The following ARHGAP22 variants were observed in gnomAD, a reference collection of about 807,000 sequenced individuals.
The protein encoded by ARHGAP22 is Rho GTPase activating protein 22.
Under a neutral mutation model 59.1 loss-of-function variants are expected in ARHGAP22, and 48 were observed. The ratio of observed to expected loss-of-function variants is 0.81; its 90% CI spans 0.64 to 1.03. ARHGAP22 has a LOEUF of 1.03. Among genes scored for constraint, ARHGAP22 ranks in the 50% least tolerant of loss-of-function variants. ARHGAP22 has a pLI of 0.00. For missense variants in ARHGAP22, 1,015 were observed against 958.7 expected, an observed-to-expected ratio of 1.06 and a Z score of -0.78; for synonymous variants, 445 against 416.4, an observed-to-expected ratio of 1.07 and a Z score of -0.84.
At chr10:48,606,512 C>A (rs2060680368), upstream of ARHGAP22, among the ~76,000 whole-genome samples, 1 of 152,206 alleles carries the variant, frequency 6.6e-6, no homozygotes. Flanking sequence ...CAGGTTCTTT[C>A]ATGGTAGCAT....
chr10:48,541,777 C>T (rs1394440427), intron 3 of ARHGAP22, among the ~76,000 whole-genome samples: 1 of 152,234 alleles, frequency 6.6e-6, no homozygotes, highest in Non-Finnish European at 1.5e-5. Flanking sequence ...CAGTTGGCAT[C>T]ATTCAAGAGA....
At chr10:48,486,058 T>C (rs1589685850) in intron 3 of ARHGAP22, among the ~76,000 whole-genome samples, 1 of 152,218 alleles carries the variant, frequency 6.6e-6, no homozygotes, top group East Asian at 1.9e-4. Context: ...TTTTTGTTTT[T>C]AATGACTTCA....
the ARHGAP22 span, chr10:48,435,050 T>TGGGGGGGG: frequency 6.8e-6 from 2 of 293,700 alleles, no homozygotes; most frequent in Admixed American, 4.3e-5. Flanking sequence ...CATCGGGGGG[T>TGGGGGGGG]GGGAGGGATG....
intron 2 of ARHGAP22, among the ~76,000 whole-genome samples, chr10:48,566,128 C>T (rs570098846): frequency 1.3e-5 from 2 of 152,226 alleles, no homozygotes; most frequent in Non-Finnish European, 2.9e-5. Context: ...GTCTAGGAGA[C>T]TGCCTGAAGA....
intron 3 of ARHGAP22, among the ~76,000 whole-genome samples, chr10:48,543,396 T>G (rs1043261978): frequency 6.6e-6 from 1 of 152,130 alleles, no homozygotes; most frequent in Non-Finnish European, 1.5e-5. Context: ...GAGCACAGCC[T>G]CAGGGCCCCT....
chr10:48,453,145 G>C (rs985045285), intron 8 of ARHGAP22, among the ~76,000 whole-genome samples, 159 bp downstream of exon 8: 6 of 152,156 alleles, frequency 3.9e-5, no homozygotes, highest in African/African-American at 1.4e-4. Flanking sequence ...GAGGTCTGCA[G>C]AAGTTCCTGC....
At chr10:48,596,070 A>G (rs1322944583) in intron 1 of ARHGAP22, among the ~76,000 whole-genome samples, 2 of 152,248 alleles carry the variant, frequency 1.3e-5, no homozygotes, top group East Asian at 1.9e-4. Flanking sequence ...AACAATCAAT[A>G]TAAAAGATTG....
intron 3 of ARHGAP22, among the ~76,000 whole-genome samples, chr10:48,553,855 A>G (rs2057095136): frequency 6.6e-6 from 1 of 152,114 alleles, no homozygotes; most frequent in African/African-American, 2.4e-5. Flanking sequence ...TGCCTTTCTG[A>G]ATTGATGGCT....
Position 48,516,559 on chromosome 10 carries a change from C to G in ARHGAP22, c.323-36795G>C, listed in dbSNP as rs118064619. Among the ~76,000 whole-genome samples, 1,161 of 147,752 alleles carry G rather than the reference C, an allele frequency of 7.9e-3. 8 individuals carry two copies. The highest frequency in any genetic ancestry group is 0.018 in the Middle Eastern group (5 of 280). Reference sequence around the variant, plus strand: ...AAATAAATAAATAAATAAACAAAACCTATAACTGTTTGCCAACAAATTAGA... The same window carrying G: ...AAATAAATAAATAAATAAACAAAACGTATAACTGTTTGCCAACAAATTAGA... On this transcript the variant is annotated intron_variant, in intron 3 of 9. Transcript: ENST00000249601.
chr10:48,609,653 C>T (rs2060805513), upstream of ARHGAP22, among the ~76,000 whole-genome samples: 1 of 152,040 alleles, frequency 6.6e-6, no homozygotes. Context: ...CCCTTTTTTG[C>T]CTCTTGAACT....
chr10:48,483,379 T>A (rs1046860380), intron 3 of ARHGAP22, among the ~76,000 whole-genome samples: 1 of 152,180 alleles, frequency 6.6e-6, no homozygotes, highest in African/African-American at 2.4e-5. Flanking sequence ...ATAAATGGGT[T>A]AATTCCTTTG....
chr10:48,474,960 C>G (rs1281172734), intron 4 of ARHGAP22, among the ~76,000 whole-genome samples: 1 of 152,130 alleles, frequency 6.6e-6, no homozygotes, highest in Non-Finnish European at 1.5e-5. Flanking sequence ...GCTTTGTCTT[C>G]CAACTTAAAA....
chr10:48,655,024 T>C (rs1245926056), upstream of ARHGAP22, among the ~76,000 whole-genome samples: 2 of 60,040 alleles, frequency 3.3e-5, no homozygotes, highest in African/African-American at 1.3e-4. Flanking sequence ...CTTTCTTTCT[T>C]TCTTTCATTC....
intron 2 of ARHGAP22, among the ~76,000 whole-genome samples, chr10:48,570,729 G>A (rs1028500419): frequency 2.0e-5 from 3 of 152,218 alleles, no homozygotes; most frequent in African/African-American, 7.2e-5. Flanking sequence ...AATTCACCAA[G>A]AGCAATGAGA....
chr10:48,570,527 T>C lies in ARHGAP22; in HGVS notation c.234+12426A>G, dbSNP rs566029990. 2.5e-4 allele frequency among the ~76,000 whole-genome samples: 38 copies of C among 152,328 alleles called. No individual in the cohort carries two copies. The Middle Eastern group carries it at 0.017, about 68-fold the overall frequency. On this transcript the variant is annotated intron_variant, in intron 2 of 9. Coordinates refer to ENST00000249601, the MANE Select transcript of ARHGAP22 (RefSeq NM_021226.4). ...AGGGTCTGAGGGATGCATCAGAGCC[T>C]GTCTTTTATGCTCAGGTTTGTTTTT...
At position 48,555,435 on chromosome 10, in the gene ARHGAP22, TGCAGAGCTGGAAGG is replaced by T; in HGVS notation, c.322+14_322+27del. 8 of 1,607,862 alleles carry T rather than the reference TGCAGAGCTGGAAGG, an allele frequency of 5.0e-6. No homozygotes were observed. In the South Asian group the frequency reaches 8.8e-5, roughly 18 times the overall value. On this transcript the variant is annotated intron_variant, in intron 3 of 9. Coordinates refer to ENST00000249601, the MANE Select transcript of ARHGAP22 (RefSeq NM_021226.4). ...GGCATGGCAACACCCCCACCAGGGC[TGCAGAGCTGGAAGG>T]TGCTCAGGCCTACCTGGGCTGATCT...
intron 1 of ARHGAP22, among the ~76,000 whole-genome samples, chr10:48,628,032 G>A (rs2061508167): frequency 6.6e-6 from 1 of 152,214 alleles, no homozygotes; most frequent in Non-Finnish European, 1.5e-5. Context: ...AGAAAGGAGG[G>A]CAATGGCCAC....
chr10:48,446,539 A>G lies in ARHGAP22; in HGVS notation c.1949T>C (p.Ile650Thr). The change falls in exon 10 of 10, where the codon ATC becomes ACC. Residue 650 changes from isoleucine to threonine, a missense_variant. By Grantham distance (89) the Ile-to-Thr change is moderately conservative (BLOSUM62 -1). Coordinates refer to ENST00000249601, the MANE Select transcript of ARHGAP22 (RefSeq NM_021226.4). ...GTTCCGCAGCTTTATTTCCAGCATG[A>G]TGTATTTTTTCTTTTCCTGGTCCAG... ...EELDQEKKKY[I>T]MLEIKLRNSE... The G allele has an allele frequency of 6.2e-7, 1 of 1,614,062 alleles. No homozygotes were observed. Among genetic ancestry groups the G allele is most frequent in the Non-Finnish European group, 8.5e-7 (1 of 1,179,992 alleles).
intron 6 of ARHGAP22, 63 bp from the exon 7 acceptor site, chr10:48,454,224 C>A (rs777900706): frequency 2.2e-6 from 3 of 1,389,546 alleles, no homozygotes; most frequent in South Asian, 2.3e-5. Flanking sequence ...TCTCTGACTG[C>A]GAGGAGGGGT....
Sources: allele counts gnomAD v4.1 joint callset (sites outside exome capture counted in the v4.1 genomes callset), GRCh38; gene constraint gnomAD v4.1.1; transcripts MANE v1.5; gene names NCBI Gene and HGNC (gene_info 2026-07-23, HGNC 2026-07-21).